Variants in EML6 observed in about 807,000 individuals in gnomAD.
EML6 encodes the protein echinoderm microtubule-associated protein-like 6.
A neutral mutation model predicts 240.1 loss-of-function variants in EML6; 154 were observed. The ratio of observed to expected loss-of-function variants is 0.64; its 90% confidence interval spans 0.56 to 0.73. EML6 has a LOEUF of 0.73. Among genes scored for constraint, EML6 ranks in the 30% least tolerant of loss-of-function variants. EML6 has a pLI of 0.00. For missense variants in EML6, 2,964 were observed against 2,474.6 expected (o/e 1.20, Z -4.20); for synonymous variants, 1,148 against 899.0 (o/e 1.28, Z -4.95).
At chr2:54,829,685 A>G (rs752094303) in intron 7 of EML6, among the ~76,000 whole-genome samples, 1 of 152,238 alleles carries the variant, frequency 6.6e-6, no homozygotes, top group Non-Finnish European at 1.5e-5. Context: ...GCTGCAGCCA[A>G]AATAAGCATT....
intron 16 of EML6, among the ~76,000 whole-genome samples, chr2:54,876,128 G>T (rs13385982): frequency 0.22 from 33,903 of 152,070 alleles, 4,100 homozygotes; most frequent in Middle Eastern, 0.31. Context: ...TGCAAAGATG[G>T]GAAAGGACAT....
At chr2:54,873,030 C>T (rs1671335449) in intron 16 of EML6, among the ~76,000 whole-genome samples, 1 of 152,160 alleles carries the variant, frequency 6.6e-6, no homozygotes, top group African/African-American at 2.4e-5. Flanking sequence ...TGTCATATTG[C>T]TGTGCAAATA....
intron 29 of EML6, among the ~76,000 whole-genome samples, chr2:54,950,337 A>T (rs1675911357): frequency 6.6e-6 from 1 of 152,248 alleles, no homozygotes; most frequent in South Asian, 2.1e-4. Flanking sequence ...CAAAACTGCT[A>T]GGTACCCTTT....
At chr2:54,944,927 C>T (rs1675602940) in intron 28 of EML6, among the ~76,000 whole-genome samples, 1 of 151,642 alleles carries the variant, frequency 6.6e-6, no homozygotes, top group Non-Finnish European at 1.5e-5. Context: ...TTTTCCTAAC[C>T]CTGGATTTAT....
At chr2:54,899,134 C>T (rs573704291) in intron 21 of EML6, among the ~76,000 whole-genome samples, 3 of 152,322 alleles carry the variant, frequency 2.0e-5, no homozygotes, top group African/African-American at 7.2e-5. Flanking sequence ...GAATGCTACA[C>T]ATTCAAAGGA....
At chr2:54,886,157 C>CTTTTTTTTTTTTTTTTTTTTTTTTTTTTT in intron 17 of EML6, among the ~76,000 whole-genome samples, 1 of 115,236 alleles carries the variant, frequency 8.7e-6, no homozygotes, top group Non-Finnish European at 1.8e-5. Context: ...TTTTTTTAAC[C>CTTTTTTTTTTTTTTTTTTTTTTTTTTTTT]TTCTTTTTTT....
intron 2 of EML6, among the ~76,000 whole-genome samples, chr2:54,792,917 AAG>A (rs1470303819): frequency 4.6e-5 from 7 of 152,204 alleles, no homozygotes; most frequent in Admixed American, 4.6e-4. Context: ...AAGCAAAAAA[AAG>A]AAATGATTTT....
In EML6 at chr2:54,917,371, T is replaced by G. The variant is rs575743858; in HGVS notation, c.3675+436T>G. ...CTTTTTTTTTTTGTTTTTTTTTTTT[T>G]TTTTGTTTTTTGAGACGGAGTTTCA... On this transcript the variant is annotated intron_variant, in intron 26 of 41. Transcript: ENST00000356458. Among the ~76,000 whole-genome samples the G allele has an allele frequency of 5.8e-3, 873 of 150,050 alleles. 5 individuals carry two copies. The highest frequency in any genetic ancestry group is 0.014 in the African/African-American group (570 of 40,648).
intron 11 of EML6, among the ~76,000 whole-genome samples, chr2:54,858,215 C>G (rs1394961442): frequency 6.6e-6 from 1 of 152,128 alleles, no homozygotes; most frequent in Non-Finnish European, 1.5e-5. Flanking sequence ...ATAGATTGCT[C>G]CAGTGTGCTT....
At chr2:54,923,050 T>C (rs890654710) in intron 26 of EML6, among the ~76,000 whole-genome samples, 1 of 148,482 alleles carries the variant, frequency 6.7e-6, no homozygotes, top group Non-Finnish European at 1.5e-5. Context: ...CAACCGATTC[T>C]CCTGCCTCAG....
intron 12 of EML6, among the ~76,000 whole-genome samples, chr2:54,861,949 T>C (rs1473851902): frequency 6.6e-6 from 1 of 151,954 alleles, no homozygotes; most frequent in African/African-American, 2.4e-5. Flanking sequence ...CTCACTGAGG[T>C]CAAGAGAGCA....
chr2:54,820,632 G>A (rs1285392607), intron 5 of EML6, among the ~76,000 whole-genome samples, 170 bp downstream of exon 5: 1 of 152,086 alleles, frequency 6.6e-6, no homozygotes, highest in Non-Finnish European at 1.5e-5. Flanking sequence ...AGCTGATGGG[G>A]CTCTCTCTTA....
chr2:54,903,071 A>C lies in EML6; in HGVS notation c.3152A>C (p.Asp1051Ala). 1 of 1,551,716 alleles carries C rather than the reference A, an allele frequency of 6.4e-7. No homozygotes were observed. The highest frequency in any genetic ancestry group is 8.7e-7 in the Non-Finnish European group (1 of 1,146,988). The change falls in exon 23 of 42, where the codon GAT (aspartate) becomes GCT (alanine). Residue 1051 changes from aspartate (D) to alanine (A), a missense_variant. Transcript: ENST00000356458. ...GGAAGATGCTGTGCCTTTTCCCCTG[A>C]TGGGAAAGCCTTAGCGGTTGGCTTG... Reference protein sequence around the residue: ...KGGRCCAFSPDGKALAVGLND... With the variant: ...KGGRCCAFSPAGKALAVGLND...
intron 9 of EML6, among the ~76,000 whole-genome samples, chr2:54,848,138 T>C (rs1220013340): frequency 1.3e-5 from 2 of 152,192 alleles, no homozygotes; most frequent in African/African-American, 4.8e-5. Context: ...TGAGCTTTAG[T>C]AAAAGATTTC....
At position 54,850,086 on chromosome 2, in the gene EML6, G is replaced by T. The variant is rs1424204880; in HGVS notation, c.1312G>T (p.Ala438Ser). The T allele has an allele frequency of 6.4e-7, 1 of 1,552,070 alleles. No individual in the cohort carries two copies. The highest frequency in any genetic ancestry group is 2.4e-5 in the East Asian group (1 of 40,926). ...TGGCCCAGTAGATGTCTATGCTGTT[G>T]CCCAGAGGTATAAGAAAATTGGAGA... The part of the protein sequence containing the change: ...NDGPVDVYAV[A>S]QRYKKIGECS... Residue 438 changes from alanine to serine, a missense_variant, in exon 10 of 42, where the codon GCC becomes TCC. Ala to Ser is a moderately conservative substitution (Grantham distance 99, BLOSUM62 1). Coordinates refer to ENST00000356458, the MANE Select transcript of EML6 (RefSeq NM_001039753.4).
At chr2:54,966,968 G>C in intron 38 of EML6, 32 bp from the exon 39 acceptor site, 1 of 1,423,314 alleles carries the variant, frequency 7.0e-7, no homozygotes, top group Non-Finnish European at 9.7e-7. Flanking sequence ...GAGAAAGAAC[G>C]TTGATGAACA....
At chr2:54,805,226 A>G (rs1050837367) in intron 2 of EML6, among the ~76,000 whole-genome samples, 1 of 152,104 alleles carries the variant, frequency 6.6e-6, no homozygotes, top group South Asian at 2.1e-4. Context: ...TGTACGTGTG[A>G]CCTATTTCCG....
At chr2:54,853,545 G>C (rs1432022624) in intron 10 of EML6, 98 bp from the exon 11 acceptor site, 1 of 802,002 alleles carries the variant, frequency 1.2e-6, no homozygotes, top group East Asian at 2.9e-5. Context: ...GTAGTTTTCT[G>C]TATTTACAAA....
intron 26 of EML6, among the ~76,000 whole-genome samples, chr2:54,921,791 A>C (rs1674269097): frequency 6.6e-6 from 1 of 152,192 alleles, no homozygotes; most frequent in African/African-American, 2.4e-5. Context: ...TATATAGTCC[A>C]TCTTTGACAA....
Sources: allele counts gnomAD v4.1 joint callset (sites outside exome capture counted in the v4.1 genomes callset), GRCh38; gene constraint gnomAD v4.1.1; transcripts MANE v1.5; gene names NCBI Gene and HGNC (gene_info 2026-07-23, HGNC 2026-07-21).